The following BCL11A variants were observed in gnomAD, a reference collection of about 807,000 sequenced individuals.
The protein encoded by BCL11A is B cell CLL/lymphoma 11A.
Under a neutral mutation model 55.9 loss-of-function variants are expected in BCL11A, and 2 were observed. The observed-to-expected ratio is 0.04, with a 90% confidence interval of 0.01 to 0.11. The LOEUF (loss-of-function observed/expected upper bound fraction) is 0.11. BCL11A is among the 10% of genes least tolerant of loss of function. The pLI, the probability that BCL11A is intolerant of heterozygous loss-of-function variation, is 1.00. For missense variants in BCL11A, 817 were observed against 1,137.1 expected (o/e 0.72, Z 4.05); for synonymous variants, 465 against 473.4 (o/e 0.98, Z 0.23).
At position 60,461,509 on chromosome 2, in the gene BCL11A, G is replaced by T; in HGVS notation, c.1403C>A (p.Ala468Asp). The T allele has an allele frequency of 6.2e-7, 1 of 1,606,546 alleles. No homozygotes were observed. The highest frequency in any genetic ancestry group is 8.5e-7 in the Non-Finnish European group (1 of 1,179,946). ...SASSALKSVV[A>D]KFKSENDPNL... ...GGGGTCGTTCTCGCTCTTGAACTTG[G>T]CCACCACGGACTTGAGCGCGCTGCT... is the stretch of plus-strand genomic sequence containing the variant. Residue 468 changes from alanine (A) to aspartate (D), a missense_variant, in exon 4 of 4, where the codon GCC becomes GAC. This residue lies in a region of BCL11A where 379 missense variants were observed against 425.3 expected (regional missense o/e 0.89). Transcript: ENST00000642384.
At chr2:60,483,917 AC>A (rs1678114006) in intron 2 of BCL11A, 1 of 150,932 alleles carries the variant, frequency 6.6e-6, no homozygotes, top group South Asian at 2.1e-4. Flanking sequence ...TTGAAACTGA[AC>A]CATTATAAAT....
intron 3 of BCL11A, among the ~76,000 whole-genome samples, chr2:60,467,777 G>GTAC (rs1676878820): frequency 1.1e-5 from 1 of 88,132 alleles, no homozygotes. Flanking sequence ...GGTGGAGATG[G>GTAC]TGGTGTTGAT....
chr2:60,524,323 T>A (rs1205633920), intron 2 of BCL11A, among the ~76,000 whole-genome samples: 1 of 152,202 alleles, frequency 6.6e-6, no homozygotes, highest in Non-Finnish European at 1.5e-5. Flanking sequence ...TTTTGTCACC[T>A]ATCTCTGGCA....
chr2:60,518,018 G>A (rs964281000), intron 2 of BCL11A, among the ~76,000 whole-genome samples: 2 of 151,038 alleles, frequency 1.3e-5, no homozygotes, highest in Non-Finnish European at 2.9e-5. Flanking sequence ...AAGGCCAGAG[G>A]CATTTGCTTA....
At chr2:60,473,145 CAT>C (rs1273826584) in intron 2 of BCL11A, among the ~76,000 whole-genome samples, 2 of 151,696 alleles carry the variant, frequency 1.3e-5, no homozygotes, top group African/African-American at 4.8e-5. Flanking sequence ...TTAGCGTGTT[CAT>C]GTGTGTGTAT....
chr2:60,477,756 G>A (rs144024046), intron 2 of BCL11A, among the ~76,000 whole-genome samples: 252 of 152,206 alleles, frequency 1.7e-3, no homozygotes, highest in Non-Finnish European at 2.8e-3. Flanking sequence ...CAGCCCCAGC[G>A]ACACTGCAGC....
chr2:60,467,693 GTGGTGATGGTAC>G (rs1284300079), intron 3 of BCL11A, among the ~76,000 whole-genome samples: 1 of 105,406 alleles, frequency 9.5e-6, no homozygotes, highest in Non-Finnish European at 2.1e-5. Flanking sequence ...GGTGGTGGTG[GTGGTGATGGTAC>G]TGGTGGTGAT....
intron 2 of BCL11A, among the ~76,000 whole-genome samples, chr2:60,500,895 T>C (rs2104402340): frequency 1.3e-5 from 2 of 152,312 alleles, no homozygotes; most frequent in South Asian, 2.1e-4. Flanking sequence ...GATGACATTG[T>C]ATGGCCAACC....
chr2:60,498,270 C>A (rs1172596199), intron 2 of BCL11A, among the ~76,000 whole-genome samples: 1 of 151,852 alleles, frequency 6.6e-6, no homozygotes, highest in Non-Finnish European at 1.5e-5. Context: ...ACCAGCAGGG[C>A]CTGTCAGAAG....
intron 2 of BCL11A, among the ~76,000 whole-genome samples, chr2:60,514,928 T>C (rs1343146790): frequency 2.0e-5 from 3 of 148,314 alleles, no homozygotes; most frequent in Non-Finnish European, 3.0e-5. Flanking sequence ...CCTTTTAAAC[T>C]CATCCAAGAG....
At chr2:60,474,778 G>A (rs1677427330) in intron 2 of BCL11A, among the ~76,000 whole-genome samples, 2 of 152,136 alleles carry the variant, frequency 1.3e-5, no homozygotes, top group Admixed American at 1.3e-4. Context: ...TTTACCGAGT[G>A]CCTACAATGC....
downstream of BCL11A, chr2:60,452,581 C>A (rs143388171): frequency 6.2e-7 from 1 of 1,613,428 alleles, no homozygotes; most frequent in African/African-American, 1.3e-5. Flanking sequence ...TTTCTCAGAA[C>A]TTAAGGGCTC....
intron 2 of BCL11A, among the ~76,000 whole-genome samples, chr2:60,500,227 CT>C (rs1219607491): frequency 6.6e-5 from 10 of 152,196 alleles, no homozygotes; most frequent in Non-Finnish European, 1.5e-4. Flanking sequence ...AGCACAGGAC[CT>C]GTGTGTGAGA....
chr2:60,455,410 G>A (rs1384065930), downstream of BCL11A, among the ~76,000 whole-genome samples: 1 of 151,970 alleles, frequency 6.6e-6, no homozygotes, highest in East Asian at 1.9e-4. Context: ...ATATCATGTT[G>A]GCTAGGTTCT....
intron 2 of BCL11A, among the ~76,000 whole-genome samples, chr2:60,494,162 A>T (rs1678812094): frequency 1.3e-5 from 2 of 152,214 alleles, no homozygotes; most frequent in South Asian, 4.1e-4. Flanking sequence ...AAACCTGAGC[A>T]CATTCTTACG....
chr2:60,472,323 G>A (rs932769382), intron 2 of BCL11A, among the ~76,000 whole-genome samples: 3 of 152,178 alleles, frequency 2.0e-5, no homozygotes, highest in African/African-American at 7.2e-5. Context: ...GCAGGAACTG[G>A]ACTCTTGTTT....
chr2:60,499,490 A>G (rs1234729447), intron 2 of BCL11A, among the ~76,000 whole-genome samples: 1 of 152,162 alleles, frequency 6.6e-6, no homozygotes, highest in African/African-American at 2.4e-5. Flanking sequence ...AGGCTGATTG[A>G]CTTGTCCGGG....
At chr2:60,542,396 C>T (rs1337135437) in intron 2 of BCL11A, 1 of 152,226 alleles carries the variant, frequency 6.6e-6, no homozygotes, top group Non-Finnish European at 1.5e-5. Context: ...ATATTTCCCC[C>T]CATCATAAAA....
intron 2 of BCL11A, among the ~76,000 whole-genome samples, chr2:60,480,826 C>T (rs2104169813): frequency 6.6e-6 from 1 of 152,258 alleles, no homozygotes; most frequent in South Asian, 2.1e-4. Flanking sequence ...TTTAGCAATC[C>T]TCCACATTTT....
Sources: allele counts gnomAD v4.1 joint callset (sites outside exome capture counted in the v4.1 genomes callset), GRCh38; gene constraint gnomAD v4.1.1; regional missense constraint gnomAD v4.1.1; transcripts MANE v1.5; gene names NCBI Gene and HGNC (gene_info 2026-07-23, HGNC 2026-07-21).